CHAF1A: variants seen among roughly 807,000 people sequenced by gnomAD.
The protein encoded by CHAF1A is CAF-1 subunit A.
In CHAF1A, 5 loss-of-function variants were observed where a neutral mutation model predicts 93.2. The observed-to-expected ratio is 0.05, with a 90% CI of 0.03 to 0.11. CHAF1A has a LOEUF of 0.11. CHAF1A is among the 10% of genes least tolerant of loss of function. CHAF1A has a pLI of 1.00. For missense variants in CHAF1A, 1,102 were observed against 1,259.9 expected (o/e 0.87, Z 1.90); for synonymous variants, 504 against 510.3 (o/e 0.99, Z 0.17).
chr19:4,404,149 G>A (rs148927039), intron 1 of CHAF1A, among the ~76,000 whole-genome samples: 6 of 152,134 alleles, frequency 3.9e-5, no homozygotes, highest in Non-Finnish European at 7.4e-5. Context: ...AAAAAAAATC[G>A]CTACTCGCTA....
chr19:4,421,185 C>A (rs1220216159), intron 4 of CHAF1A, among the ~76,000 whole-genome samples: 1 of 152,110 alleles, frequency 6.6e-6, no homozygotes, highest in Non-Finnish European at 1.5e-5. Context: ...GATCCTTGTG[C>A]CTCAGACTCC....
At position 4,421,662 on chromosome 19, in the gene CHAF1A, G is replaced by T. The variant is rs201143046; in HGVS notation, c.1018-904G>T. ...ATAGTGGTGTGTGCTTATAGCCCCTGCTACTCAGGAGCCTGAGGTGGGAGG... is the reference window on the plus strand; with the variant it reads ...ATAGTGGTGTGTGCTTATAGCCCCTTCTACTCAGGAGCCTGAGGTGGGAGG... On this transcript the variant is annotated intron_variant, in intron 4 of 14. Coordinates refer to ENST00000301280, the MANE Select transcript of CHAF1A (RefSeq NM_005483.3). 7.9e-5 allele frequency among the ~76,000 whole-genome samples: 12 copies of T among 152,264 alleles called. No individual in the cohort carries two copies. The East Asian group carries it at 2.1e-3, about 27-fold the overall frequency.
At chr19:4,432,303 A>C in intron 12 of CHAF1A, 96 bp downstream of exon 12, 1 of 1,368,076 alleles carries the variant, frequency 7.3e-7, no homozygotes, top group South Asian at 1.4e-5. Flanking sequence ...TCCGTGATGC[A>C]AATGTTCTTT....
At chr19:4,434,506 C>T (rs12459919) in intron 13 of CHAF1A, among the ~76,000 whole-genome samples, 28,518 of 152,096 alleles carry the variant, frequency 0.19, 3,053 homozygotes, top group Admixed American at 0.26. Context: ...GGCCCCTGTG[C>T]TCTGCCCGTC....
In CHAF1A at chr19:4,433,267, C is replaced by T; in HGVS notation, c.2401C>T (p.Leu801Phe). 6.2e-7 allele frequency: 1 copy of T among 1,614,244 alleles called. No homozygotes were observed. The highest frequency in any genetic ancestry group is 8.5e-7 in the Non-Finnish European group (1 of 1,180,050). The change falls in exon 13 of 15, where the codon CTC becomes TTC. Residue 801 changes from leucine (L) to phenylalanine (F), a missense_variant. Leu to Phe is a conservative substitution (Grantham distance 22). Around this residue, in one of 6 missense-constraint regions of CHAF1A, gnomAD observed 76 missense variants for 129.8 expected, o/e 0.59. Coordinates refer to ENST00000301280, the MANE Select transcript of CHAF1A (RefSeq NM_005483.3). The surrounding 1 kb of genome is among the most constrained non-coding windows in gnomAD (Gnocchi z 5.6). ...CCCCTCTAAGTCCCGGCTCAAGCGG[C>T]TCATTTCCGAGAACTCAGTGTATGA... ...AIPSKSRLKR[L>F]ISENSVYEKR...
At position 4,428,796 on chromosome 19, in the gene CHAF1A, G is replaced by A. The variant is rs759275580; in HGVS notation, c.1510G>A (p.Gly504Ser). ...QLDQLLQQQS[G>S]EFSFLKDLKG... The stretch of plus-strand genomic sequence containing the variant: ...GGACCAGCTCCTCCAGCAGCAGAGC[G>A]GCGAGTTCTCCTTCTTGAAAGACCT... Residue 504 changes from glycine to serine, a missense_variant, in exon 8 of 15, where the codon GGC (glycine) becomes AGC (serine). This residue lies in a region of CHAF1A where 165 missense variants were observed against 243.9 expected (regional missense o/e 0.68). Coordinates refer to ENST00000301280, the MANE Select transcript of CHAF1A (RefSeq NM_005483.3). 36 of 1,613,934 alleles carry A rather than the reference G, an allele frequency of 2.2e-5. No homozygotes were observed. The highest frequency in any genetic ancestry group is 2.9e-5 in the Non-Finnish European group (34 of 1,180,028).
intron 3 of CHAF1A, among the ~76,000 whole-genome samples, chr19:4,417,253 G>C (rs1175070994): frequency 2.6e-5 from 4 of 151,532 alleles, no homozygotes; most frequent in Non-Finnish European, 5.9e-5. Flanking sequence ...TTACAGGCAT[G>C]AGCCACTGTG....
At chr19:4,425,881 T>C (rs1157999678) in intron 7 of CHAF1A, among the ~76,000 whole-genome samples, 1 of 152,196 alleles carries the variant, frequency 6.6e-6, no homozygotes, top group Non-Finnish European at 1.5e-5. Context: ...TCACTGCAAT[T>C]TTTATGGGAT....
downstream of CHAF1A, chr19:4,446,289 G>A (rs756990453): frequency 1.9e-6 from 3 of 1,572,920 alleles, no homozygotes; most frequent in South Asian, 1.1e-5. Context: ...CCACCCTGCA[G>A]GAGGCAGCCA....
intron 2 of CHAF1A, among the ~76,000 whole-genome samples, chr19:4,408,508 C>T: frequency 1.1e-5 from 1 of 88,304 alleles, no homozygotes; most frequent in African/African-American, 5.1e-5. Flanking sequence ...GAGTCTGTCT[C>T]TGTCGCCCAG....
chr19:4,447,073 A>G (rs1038760497), downstream of CHAF1A: 4 of 687,012 alleles, frequency 5.8e-6, no homozygotes, highest in African/African-American at 7.2e-5. Flanking sequence ...TGCTGGATGC[A>G]AACCTGCTTT....
Position 4,422,389 on chromosome 19 carries a change from T to A in CHAF1A, c.1018-177T>A. Reference sequence around the variant, plus strand: ...GTCTCAAACTCCTGACCTCAGGTGATCTACCCACCTCAGCCTCCCAAAGTG... The same window carrying A: ...GTCTCAAACTCCTGACCTCAGGTGAACTACCCACCTCAGCCTCCCAAAGTG... On this transcript the variant is annotated intron_variant, in intron 4 of 14. Transcript: ENST00000301280. The surrounding 1 kb of genome is among the most constrained non-coding windows in gnomAD (Gnocchi z 4.6). 6.6e-6 allele frequency among the ~76,000 whole-genome samples: 1 copy of A among 151,774 alleles called. No individual in the cohort carries two copies. Among genetic ancestry groups the A allele is most frequent in the East Asian group, 1.9e-4 (1 of 5,178 alleles).
chr19:4,417,529 C>T (rs972924993), intron 3 of CHAF1A, among the ~76,000 whole-genome samples: 2 of 144,438 alleles, frequency 1.4e-5, no homozygotes, highest in Admixed American at 7.0e-5. Context: ...GGCGCAATCT[C>T]GGCTCACTGC....
rs147016992 is a variant in CHAF1A at position 4,404,685 on chromosome 19, T to G, written c.53-1227T>G. Among the ~76,000 whole-genome samples the G allele has an allele frequency of 1.0e-3, 158 of 152,310 alleles. 2 individuals are homozygous for G. The East Asian group carries it at 0.021, about 20-fold the overall frequency. ...AAAAGTACTCACTTTTATGTAATGC[T>G]TACAAAACATACGTAGATTAACCAA... On this transcript the variant is annotated intron_variant, in intron 1 of 14. Coordinates refer to ENST00000301280, the MANE Select transcript of CHAF1A (RefSeq NM_005483.3).
chr19:4,422,602 G>A lies in CHAF1A; in HGVS notation c.1054G>A (p.Ala352Thr), dbSNP rs1285444475. ...ERLGKQLKLR[A>T]EREEKEKLKE... Reference sequence around the variant, plus strand: ...TCTGGGCAAGCAGCTCAAGTTACGTGCAGAAAGGGAAGAAAAGGAGAAGCT... The same window carrying A: ...TCTGGGCAAGCAGCTCAAGTTACGTACAGAAAGGGAAGAAAAGGAGAAGCT... The change falls in exon 5 of 15, where the codon GCA becomes ACA. Residue 352 changes from alanine (A) to threonine (T), a missense_variant. Ala to Thr is a moderately conservative substitution (Grantham distance 58). Transcript: ENST00000301280. The surrounding 1 kb of genome is among the most constrained non-coding windows in gnomAD (Gnocchi z 4.6). 2.5e-6 allele frequency: 4 copies of A among 1,580,158 alleles called. No homozygotes were observed. The highest frequency in any genetic ancestry group is 1.3e-5 in the African/African-American group (1 of 74,444).
downstream of CHAF1A, chr19:4,447,321 T>A: frequency 3.4e-6 from 2 of 584,618 alleles, no homozygotes; most frequent in South Asian, 4.0e-5. Flanking sequence ...AGGAAAAGGA[T>A]GCAGGTGAGG....
chr19:4,408,047 C>A (rs551055074), intron 2 of CHAF1A, among the ~76,000 whole-genome samples: 25 of 151,136 alleles, frequency 1.7e-4, no homozygotes, highest in Non-Finnish European at 2.4e-4. Context: ...GTCCCTTTTG[C>A]CCAGGCTGCA....
At chr19:4,436,958 AAAG>A (rs1974295157) in intron 13 of CHAF1A, among the ~76,000 whole-genome samples, 1 of 152,190 alleles carries the variant, frequency 6.6e-6, no homozygotes, top group African/African-American at 2.4e-5. Context: ...AACCACAAGG[AAAG>A]AAGGGTGCAC....
intron 3 of CHAF1A, among the ~76,000 whole-genome samples, chr19:4,412,086 T>C (rs1386365067): frequency 1.3e-5 from 2 of 152,234 alleles, no homozygotes; most frequent in African/African-American, 4.8e-5. Flanking sequence ...GACTGGCATG[T>C]ACACATTTCA....
Sources: allele counts gnomAD v4.1 joint callset (sites outside exome capture counted in the v4.1 genomes callset), GRCh38; gene constraint gnomAD v4.1.1; regional missense constraint gnomAD v4.1.1; non-coding constraint Gnocchi (gnomAD v3.1); transcripts MANE v1.5; gene names NCBI Gene and HGNC (gene_info 2026-07-23, HGNC 2026-07-21).